Variants in SNAP91 observed in about 807,000 individuals in gnomAD.
SNAP91 encodes the protein clathrin coat assembly protein AP180.
In SNAP91, 27 loss-of-function variants were observed where a neutral mutation model predicts 100.3. The observed-to-expected ratio is 0.27, with a 90% CI of 0.20 to 0.37. SNAP91 has a LOEUF of 0.37. Among genes scored for constraint, SNAP91 ranks in the 10% least tolerant of loss-of-function variants. The probability of loss-of-function intolerance (pLI) is 1.00; values close to 1 mark genes in which losing one functional copy is unlikely to be tolerated. For synonymous variants in SNAP91, 404 were observed against 398.6 expected (o/e 1.01, Z -0.16); for missense variants, 986 against 1,123.7 (o/e 0.88, Z 1.75).
chr6:83,557,401 C>T (rs1313309706), intron 28 of SNAP91, among the ~76,000 whole-genome samples: 1 of 151,922 alleles, frequency 6.6e-6, no homozygotes, highest in East Asian at 1.9e-4. Flanking sequence ...TGTGATGGCT[C>T]ACATCTGTAA....
rs1773868991 is a variant in SNAP91 at position 83,553,639 on chromosome 6, A to G, written c.*657T>C. The G allele has an allele frequency of 6.6e-6, 1 of 152,062 alleles. No individual in the cohort carries two copies. The highest frequency in any genetic ancestry group is 2.1e-4 in the South Asian group (1 of 4,824). 9.4% of individuals were successfully genotyped at this position (152,062 alleles called of 1,614,324 possible). ...ATAAATAGGGGATTCTTCCCATACG[A>G]TTTTTCGTTCTTGATAAGGTAGCTT... On this transcript the variant is annotated 3_prime_UTR_variant, in exon 30 of 30. Coordinates refer to ENST00000369694, the MANE Select transcript of SNAP91 (RefSeq NM_001242792.2).
chr6:83,694,698 T>C (rs911209933), intron 2 of SNAP91, among the ~76,000 whole-genome samples: 2 of 152,158 alleles, frequency 1.3e-5, no homozygotes, highest in Non-Finnish European at 2.9e-5. Flanking sequence ...TCACTACTAA[T>C]GTGTGAAACA....
intron 2 of SNAP91, among the ~76,000 whole-genome samples, chr6:83,690,896 T>C (rs989901203): frequency 6.6e-6 from 1 of 152,028 alleles, no homozygotes; most frequent in Non-Finnish European, 1.5e-5. Flanking sequence ...TATGCAAAAT[T>C]TGGTATACAT....
At chr6:83,582,115 C>A in intron 23 of SNAP91, 107 bp downstream of exon 23, 1 of 1,227,162 alleles carries the variant, frequency 8.1e-7, no homozygotes, top group Non-Finnish European at 1.1e-6. Flanking sequence ...CAAATTATCA[C>A]TCAATATTTG....
At chr6:83,556,798 C>T (rs193100419) in intron 28 of SNAP91, among the ~76,000 whole-genome samples, 15 of 152,254 alleles carry the variant, frequency 9.9e-5, no homozygotes, top group South Asian at 4.1e-4. Flanking sequence ...AAATAGGAAA[C>T]GGTTTGCAGA....
chr6:83,586,516 G>A (rs1197902582), intron 22 of SNAP91, among the ~76,000 whole-genome samples: 3 of 152,102 alleles, frequency 2.0e-5, no homozygotes, highest in African/African-American at 7.2e-5. Context: ...CAGATGTTAG[G>A]CATATTCCTC....
chr6:83,579,945 T>C (rs1477850065), intron 24 of SNAP91, among the ~76,000 whole-genome samples: 1 of 152,232 alleles, frequency 6.6e-6, no homozygotes, highest in East Asian at 1.9e-4. Context: ...AAAGTTTGTG[T>C]CTGCCCTTCC....
In SNAP91 at chr6:83,576,003, C is replaced by T. The variant is rs778430678; in HGVS notation, c.2330+20G>A. On this transcript the variant is annotated intron_variant, in intron 25 of 29. Transcript: ENST00000369694. ...CAAATATACCATCAAAAGGAAATCA[C>T]ATAATTTCCAAACACTTACTTTTTT... 98 of 1,357,620 alleles carry T rather than the reference C, an allele frequency of 7.2e-5. No homozygotes were observed. The highest frequency in any genetic ancestry group is 1.8e-4 in the Middle Eastern group (1 of 5,574). 84.1% of individuals were successfully genotyped at this position (1,357,620 alleles called of 1,614,324 possible). A position where few individuals can be genotyped will look rare whatever the true frequency, so the allele number is the denominator to read the frequency against.
rs1454964660 is a variant in SNAP91, at chr6:83,553,299, C to G, written c.*997G>C. ...TTAAATCCTAATCACAATGTTACAA[C>G]AAAACCTACTTTGAGCTCAGTTGAA... On this transcript the variant is annotated 3_prime_UTR_variant, in exon 30 of 30. Transcript: ENST00000369694. 1.3e-5 allele frequency: 2 copies of G among 152,406 alleles called. No individual in the cohort carries two copies. Among genetic ancestry groups the G allele is most frequent in the Non-Finnish European group, 2.9e-5 (2 of 68,024 alleles). 9.4% of individuals were successfully genotyped at this position (152,406 alleles called of 1,614,324 possible).
intron 26 of SNAP91, among the ~76,000 whole-genome samples, chr6:83,563,236 A>T (rs1297621312): frequency 6.6e-6 from 1 of 152,160 alleles, no homozygotes; most frequent in East Asian, 1.9e-4. Flanking sequence ...GTTTGCAGCC[A>T]CTTTCCTAAG....
At chr6:83,691,928 A>G (rs2099135833) in intron 2 of SNAP91, among the ~76,000 whole-genome samples, 1 of 152,232 alleles carries the variant, frequency 6.6e-6, no homozygotes, top group Non-Finnish European at 1.5e-5. Flanking sequence ...GATGATTTTA[A>G]TAAAGTATAA....
Position 83,661,577 on chromosome 6 carries a change from C to A in SNAP91, c.377G>T (p.Arg126Leu). 6.2e-7 allele frequency: 1 copy of A among 1,605,452 alleles called. No individual in the cohort carries two copies. The highest frequency in any genetic ancestry group is 8.5e-7 in the Non-Finnish European group (1 of 1,175,870). Residue 126 changes from arginine (R) to leucine (L), a missense_variant, in exon 5 of 30, where the codon CGC becomes CTC. By Grantham distance (102) the Arg-to-Leu change is moderately radical. This residue lies in a region of SNAP91 where 330 missense variants were observed against 447.5 expected (regional missense o/e 0.74). Coordinates refer to ENST00000369694, the MANE Select transcript of SNAP91 (RefSeq NM_001242792.2). The part of the protein sequence containing the change: ...HGYDMSTFIR[R>L]YSRYLNEKAF... ...CTTTTCATTCAAATATCTACTATAG[C>A]GCCTTATGAAGGTAGACATATCATA... is the stretch of plus-strand genomic sequence containing the variant.
chr6:83,657,722 A>C (rs1194916124), intron 6 of SNAP91, among the ~76,000 whole-genome samples: 3 of 152,038 alleles, frequency 2.0e-5, no homozygotes, highest in African/African-American at 7.2e-5. Flanking sequence ...ATGAGTTAAT[A>C]ATGTCTCTAC....
intron 2 of SNAP91, among the ~76,000 whole-genome samples, chr6:83,685,679 C>A (rs1217769546): frequency 1.3e-5 from 2 of 152,132 alleles, no homozygotes; most frequent in African/African-American, 2.4e-5. Flanking sequence ...CCTTGCAGAA[C>A]CTGCTTCGGG....
At chr6:83,575,187 G>A (rs1816203169) in intron 25 of SNAP91, 66 bp from the exon 26 acceptor site, 1 of 1,078,224 alleles carries the variant, frequency 9.3e-7, no homozygotes, top group African/African-American at 1.6e-5. Context: ...AATGGTGTGT[G>A]GCTCCTTAGA....
intron 21 of SNAP91, 96 bp downstream of exon 21, chr6:83,592,359 C>A: frequency 4.8e-6 from 4 of 832,146 alleles, no homozygotes; most frequent in South Asian, 2.4e-5. Context: ...TTTTATATAG[C>A]CTAAAGAAAA....
At chr6:83,589,537 GCAA>G (rs1328575662) in intron 22 of SNAP91, among the ~76,000 whole-genome samples, 8 of 152,176 alleles carry the variant, frequency 5.3e-5, no homozygotes, top group Admixed American at 6.5e-5. Context: ...TAAGTTCTCA[GCAA>G]TATCATGGTG....
chr6:83,707,684 C>T, intron 2 of SNAP91, 114 bp downstream of exon 2: 1 of 1,394,202 alleles, frequency 7.2e-7, no homozygotes, highest in South Asian at 1.4e-5. Context: ...CAGGGGCAAC[C>T]TGGCTGGGAG....
chr6:83,703,810 A>G (rs895514486), intron 2 of SNAP91, among the ~76,000 whole-genome samples: 8 of 152,344 alleles, frequency 5.3e-5, no homozygotes, highest in African/African-American at 1.9e-4. Context: ...ATTACTGAAA[A>G]CCAAATTGGC....
Sources: gnomAD v4.1 joint callset for allele counts (sites outside exome capture counted in the v4.1 genomes callset) on GRCh38, gnomAD v4.1.1 for gene constraint, gnomAD v4.1.1 regional missense constraint, MANE v1.5 for transcripts, NCBI Gene and HGNC (gene_info 2026-07-23, HGNC 2026-07-21) for gene names.